The following MUC15 variants were observed in gnomAD, a reference collection of about 807,000 sequenced individuals.
MUC15 encodes the protein mucin-15.
A neutral mutation model predicts 24.0 loss-of-function variants in MUC15; 23 were observed. The observed-to-expected ratio is 0.96, with a 90% CI of 0.69 to 1.36. MUC15 has a LOEUF of 1.36. MUC15 is among the 40% of genes most tolerant of loss of function. The pLI is 0.00. For missense variants in MUC15, 442 were observed against 428.2 expected, an observed-to-expected ratio of 1.03 and a Z score of -0.29; for synonymous variants, 151 against 156.3, an observed-to-expected ratio of 0.97 and a Z score of 0.25.
chr11:26,566,998 C>A (rs1320536874), intron 2 of MUC15, 54 bp downstream of exon 2: 12 of 1,357,492 alleles, frequency 8.8e-6, no homozygotes, highest in Non-Finnish European at 1.2e-5. Context: ...AATAATATAT[C>A]TATAGTGTCT....
intron 4 of MUC15, 129 bp downstream of exon 4, chr11:26,562,987 A>G: frequency 7.6e-7 from 1 of 1,314,806 alleles, no homozygotes; most frequent in Non-Finnish European, 1.0e-6. Flanking sequence ...GGTGGATCAG[A>G]ATAAGTCTTT....
Position 26,564,722 on chromosome 11 carries a change from CACACACACACATATATATATAT to C in MUC15, c.775+421_775+442del, listed in dbSNP as rs1465596203. On this transcript the variant is annotated intron_variant, in intron 3 of 4. Coordinates refer to ENST00000529533, the MANE Select transcript of MUC15 (RefSeq NM_001135091.2). ...ACACACACACACACACACACACACA[CACACACACACATATATATATAT>C]ATATATATATATATATATATATATA... is the stretch of plus-strand genomic sequence containing the variant. Among the ~76,000 whole-genome samples the C allele has an allele frequency of 4.8e-3, 322 of 66,774 alleles. 1 individual carries two copies. The highest frequency in any genetic ancestry group is 7.1e-3 in the Non-Finnish European group (242 of 33,926). 43.8% of individuals were successfully genotyped at this position (66,774 alleles called of 152,430 possible). A position where few individuals can be genotyped will look rare whatever the true frequency, so the allele number is the denominator to read the frequency against.
At chr11:26,568,888 G>A (rs1252775167) in intron 1 of MUC15, among the ~76,000 whole-genome samples, 1 of 152,000 alleles carries the variant, frequency 6.6e-6, no homozygotes, top group African/African-American at 2.4e-5. Context: ...TCTACGGCAT[G>A]TGATCTAATT....
Position 26,563,161 on chromosome 11 carries a change from C to A in MUC15, c.880G>T (p.Asp294Tyr). 1.2e-6 allele frequency: 2 copies of A among 1,612,142 alleles called. No individual in the cohort carries two copies. Among genetic ancestry groups the A allele is most frequent in the Non-Finnish European group, 1.7e-6 (2 of 1,178,812 alleles). Residue 294 changes from aspartate to tyrosine, a missense_variant, in exon 4 of 5, where the codon GAT (aspartate) becomes TAT (tyrosine). Transcript: ENST00000529533. ...TAAAGTCGCCGATGGGAAAATGAATCCGTTTTCCTTTTTCCACACAACAAG... is the reference window on the plus strand; with the variant it reads ...TAAAGTCGCCGATGGGAAAATGAATACGTTTTCCTTTTTCCACACAACAAG... The part of the protein sequence containing the change: ...GYLLCGKRKT[D>Y]SFSHRRLYDD...
chr11:26,565,286 A>T lies in MUC15; in HGVS notation c.654T>A (p.Leu218=). The T allele has an allele frequency of 6.2e-7, 1 of 1,606,504 alleles. No homozygotes were observed. The highest frequency in any genetic ancestry group is 8.5e-7 in the Non-Finnish European group (1 of 1,175,706). The change falls in exon 3 of 5, where the codon CTT becomes CTA. Residue 218 remains leucine, a synonymous_variant. Coordinates refer to ENST00000529533, the MANE Select transcript of MUC15 (RefSeq NM_001135091.2). ...CAGTGAAGCTATCACTGTTTGTGGT[A>T]AGCCATCCACTTGGTTCCACTATCA... ...TPLIVEPSGW[L]TTNSDSFTGF...
chr11:26,564,726 CACACACAT>C lies in MUC15; in HGVS notation c.775+431_775+438del, dbSNP rs1850471469. 2.3e-3 allele frequency among the ~76,000 whole-genome samples: 111 copies of C among 49,328 alleles called. 5 individuals are homozygous for C. The highest frequency in any genetic ancestry group is 7.6e-3 in the African/African-American group (102 of 13,386). The allele number at this position is 49,328 out of a possible 152,430, so 32.4% of individuals were successfully genotyped here. On this transcript the variant is annotated intron_variant, in intron 3 of 4. Transcript: ENST00000529533. ...ACACACACACACACACACACACACA[CACACACAT>C]ATATATATATATATATATATATATA...
chr11:26,567,023 T>A, intron 2 of MUC15, 29 bp downstream of exon 2: 1 of 1,455,460 alleles, frequency 6.9e-7, no homozygotes, highest in Non-Finnish European at 9.1e-7. Context: ...GGTTACAAAG[T>A]TTACAGTATC....
chr11:26,559,496 G>C lies in MUC15; in HGVS notation c.*1569C>G. On this transcript the variant is annotated 3_prime_UTR_variant, in exon 5 of 5. Coordinates refer to ENST00000529533, the MANE Select transcript of MUC15 (RefSeq NM_001135091.2). ...TGGTGGGGTATAAAGGGAATCAAGA[G>C]AGGAGAGAAGAGGGCTAATGTTGTT... 1 of 494,132 alleles carries C rather than the reference G, an allele frequency of 2.0e-6. No homozygotes were observed. 30.6% of individuals were successfully genotyped at this position (494,132 alleles called of 1,614,324 possible). A position where few individuals can be genotyped will look rare whatever the true frequency, so the allele number is the denominator to read the frequency against.
In MUC15 at chr11:26,564,670, C is replaced by CAT. The variant is rs980339624; in HGVS notation, c.775+493_775+494dup. 2.9e-4 allele frequency among the ~76,000 whole-genome samples: 37 copies of CAT among 128,134 alleles called. 1 individual carries two copies. The highest frequency in any genetic ancestry group is 4.9e-4 in the Non-Finnish European group (30 of 61,448). 84.1% of individuals were successfully genotyped at this position (128,134 alleles called of 152,430 possible). A position where few individuals can be genotyped will look rare whatever the true frequency, so the allele number is the denominator to read the frequency against. On this transcript the variant is annotated intron_variant, in intron 3 of 4. Coordinates refer to ENST00000529533, the MANE Select transcript of MUC15 (RefSeq NM_001135091.2). Reference sequence around the variant, plus strand: ...TACTTTGTTCAACTTTTTAAAAACTCATATATATATACTCATATATATACA... The same window carrying CAT: ...TACTTTGTTCAACTTTTTAAAAACTCATATATATATATACTCATATATATACA...
At chr11:26,568,801 AT>A (rs1850701999) in intron 1 of MUC15, among the ~76,000 whole-genome samples, 1 of 152,012 alleles carries the variant, frequency 6.6e-6, no homozygotes, top group Non-Finnish European at 1.5e-5. Context: ...AAAAATAGTT[AT>A]GTGTACCTTT....
At chr11:26,568,628 C>T (rs761419728) in intron 1 of MUC15, among the ~76,000 whole-genome samples, 3 of 151,940 alleles carry the variant, frequency 2.0e-5, no homozygotes, top group Non-Finnish European at 4.4e-5. Context: ...AAGAAAATCA[C>T]GATAACTGTC....
Position 26,559,576 on chromosome 11 carries a change from AG to A in MUC15, c.*1488del, listed in dbSNP as rs1485327157. ...GTGAAATTGTTGCAAGACCCATGAA[AG>A]GAATTCATATATAATATTTCTGTAC... On this transcript the variant is annotated 3_prime_UTR_variant, in exon 5 of 5. Transcript: ENST00000529533. 4.8e-6 allele frequency: 3 copies of A among 620,654 alleles called. No individual in the cohort carries two copies. The highest frequency in any genetic ancestry group is 8.5e-6 in the Non-Finnish European group (3 of 352,112). The allele number at this position is 620,654 out of a possible 1,614,324, so 38.4% of individuals were successfully genotyped here.
intron 1 of MUC15, among the ~76,000 whole-genome samples, chr11:26,571,022 A>G (rs1052932212): frequency 2.0e-5 from 3 of 152,126 alleles, no homozygotes; most frequent in Admixed American, 2.0e-4. Context: ...CAAGAAAAAA[A>G]CAAATTTCAG....
At position 26,559,872 on chromosome 11, in the gene MUC15, AC is replaced by A. The variant is rs1850218392; in HGVS notation, c.*1192del. Reference sequence around the variant, plus strand: ...CACACACACACACACACACACACACACACCATGAATCAATTCAAAAATAAAG... The same window carrying A: ...CACACACACACACACACACACACACAACCATGAATCAATTCAAAAATAAAG... On this transcript the variant is annotated 3_prime_UTR_variant, in exon 5 of 5. Coordinates refer to ENST00000529533, the MANE Select transcript of MUC15 (RefSeq NM_001135091.2). The A allele has an allele frequency of 2.5e-6, 2 of 803,458 alleles. No homozygotes were observed. The highest frequency in any genetic ancestry group is 3.5e-5 in the African/African-American group (2 of 57,724). 49.8% of individuals were successfully genotyped at this position (803,458 alleles called of 1,614,324 possible).
intron 3 of MUC15, among the ~76,000 whole-genome samples, chr11:26,564,174 A>G (rs1357939255): frequency 6.6e-6 from 1 of 151,780 alleles, no homozygotes; most frequent in Non-Finnish European, 1.5e-5. Flanking sequence ...CTCAATATGT[A>G]TATTAGGTTT....
intron 1 of MUC15, among the ~76,000 whole-genome samples, chr11:26,571,753 T>A (rs896785662): frequency 7.9e-5 from 12 of 152,190 alleles, no homozygotes; most frequent in Non-Finnish European, 1.8e-4. Flanking sequence ...CATAGTCACG[T>A]ATGTTTTAAA....
At chr11:26,562,453 A>T (rs1217769617) in intron 4 of MUC15, among the ~76,000 whole-genome samples, 2 of 151,952 alleles carry the variant, frequency 1.3e-5, no homozygotes, top group African/African-American at 4.8e-5. Context: ...ATAAAACTGC[A>T]GATGAACCAA....
intron 4 of MUC15, among the ~76,000 whole-genome samples, chr11:26,561,722 T>G (rs1228635932): frequency 1.3e-5 from 2 of 152,004 alleles, no homozygotes; most frequent in African/African-American, 4.8e-5. Flanking sequence ...AGCTTATGTT[T>G]TCTTCTGATC....
chr11:26,562,426 AT>A (rs982829485), intron 4 of MUC15, among the ~76,000 whole-genome samples: 8 of 151,852 alleles, frequency 5.3e-5, no homozygotes, highest in African/African-American at 1.9e-4. Flanking sequence ...GAAAACACAT[AT>A]TTTTTTCCCT....
Sources: gnomAD v4.1 joint callset for allele counts (sites outside exome capture counted in the v4.1 genomes callset) on GRCh38, gnomAD v4.1.1 for gene constraint, MANE v1.5 for transcripts, NCBI Gene and HGNC (gene_info 2026-07-23, HGNC 2026-07-21) for gene names.